The following KLHL7 variants were observed in gnomAD, a reference collection of about 807,000 sequenced individuals.
KLHL7 encodes kelch-like protein 7.
KLHL7 carries 44 observed loss-of-function variants against 67.4 expected under a neutral mutation model. The observed-to-expected ratio is 0.65, with a 90% CI of 0.51 to 0.84. The LOEUF is 0.84. Ranked by LOEUF, KLHL7 falls within the 40% of genes least tolerant of loss-of-function variation. The pLI is 0.00. For synonymous variants in KLHL7, 252 were observed against 243.3 expected (o/e 1.04, Z -0.33); for missense variants, 362 against 718.1 (o/e 0.50, Z 5.67).
At position 23,144,910 on chromosome 7, in the gene KLHL7, C is replaced by A. The variant is rs150539755; in HGVS notation, c.793+885C>A. 7.1e-5 allele frequency among the ~76,000 whole-genome samples: 10 copies of A among 141,700 alleles called. No homozygotes were observed. The East Asian group carries it at 2.0e-3, about 28-fold the overall frequency. The allele number at this position is 141,700 out of a possible 152,430, so 93.0% of individuals were successfully genotyped here. A position where few individuals can be genotyped will look rare whatever the true frequency, so the allele number is the denominator to read the frequency against. On this transcript the variant is annotated intron_variant, in intron 6 of 10. Coordinates refer to ENST00000339077, the MANE Select transcript of KLHL7 (RefSeq NM_001031710.3). ...GTCAGGAGTTTGAGATTCACCTGGGCAACATAGCGAGATTCCAACTCTCCA... is the reference window on the plus strand; with the variant it reads ...GTCAGGAGTTTGAGATTCACCTGGGAAACATAGCGAGATTCCAACTCTCCA...
intron 7 of KLHL7, among the ~76,000 whole-genome samples, chr7:23,162,756 T>A (rs1163981164): frequency 6.6e-6 from 1 of 152,372 alleles, no homozygotes; most frequent in Middle Eastern, 3.4e-3. Flanking sequence ...TGACCTTTTT[T>A]AAAGCGCTTA....
At chr7:23,170,553 ATAGC>A (rs1785127587) in intron 9 of KLHL7, among the ~76,000 whole-genome samples, 1 of 152,228 alleles carries the variant, frequency 6.6e-6, no homozygotes, top group African/African-American at 2.4e-5. Context: ...ATATTTCAAA[ATAGC>A]TAGAGAAGAA....
chr7:23,137,639 C>A (rs893777377), intron 4 of KLHL7, among the ~76,000 whole-genome samples: 1 of 151,186 alleles, frequency 6.6e-6, no homozygotes, highest in Non-Finnish European at 1.5e-5. Context: ...CCAGCATGCC[C>A]GGCTAATTTT....
intron 7 of KLHL7, among the ~76,000 whole-genome samples, chr7:23,163,742 T>G (rs1163820729): frequency 6.6e-6 from 1 of 152,240 alleles, no homozygotes; most frequent in Non-Finnish European, 1.5e-5. Context: ...CATGTGTACG[T>G]GTGTATAATG....
At chr7:23,151,123 T>G (rs1031277036) in intron 6 of KLHL7, among the ~76,000 whole-genome samples, 7 of 151,412 alleles carry the variant, frequency 4.6e-5, no homozygotes, top group Non-Finnish European at 1.0e-4. Context: ...ATGTTTTTGG[T>G]CATTCTTAGG....
chr7:23,106,295 C>A (rs1782635265), intron 1 of KLHL7, 149 bp downstream of exon 1: 3 of 1,515,334 alleles, frequency 2.0e-6, no homozygotes, highest in Non-Finnish European at 2.7e-6. Context: ...CGAGCGATTC[C>A]GCAGTTGGTA....
rs996914369 is a variant in KLHL7 at position 23,168,310 on chromosome 7, G to A, written c.1379+273G>A. 4.6e-5 allele frequency among the ~76,000 whole-genome samples: 7 copies of A among 152,124 alleles called. No homozygotes were observed. The South Asian group carries it at 6.2e-4, about 14-fold the overall frequency. ...TGAATGAGACACATCTGATTGATTCGTCAACTCATAAAATGTTTTTGTTTG... is the reference window on the plus strand; with the variant it reads ...TGAATGAGACACATCTGATTGATTCATCAACTCATAAAATGTTTTTGTTTG... On this transcript the variant is annotated intron_variant, in intron 9 of 10. Transcript: ENST00000339077.
chr7:23,173,081 T>G, intron 10 of KLHL7, 36 bp downstream of exon 10: 1 of 1,419,740 alleles, frequency 7.0e-7, no homozygotes. Context: ...ACTTTCCTGA[T>G]GAGTTTGCTG....
intron 9 of KLHL7, among the ~76,000 whole-genome samples, chr7:23,171,933 T>C (rs1415581918): frequency 6.6e-6 from 1 of 152,222 alleles, no homozygotes; most frequent in African/African-American, 2.4e-5. Flanking sequence ...ATGGTCTCGA[T>C]CGCCTGACCT....
At chr7:23,118,363 A>T (rs991249985) in intron 1 of KLHL7, among the ~76,000 whole-genome samples, 1 of 152,208 alleles carries the variant, frequency 6.6e-6, no homozygotes, top group Non-Finnish European at 1.5e-5. Context: ...CTGAGCATTA[A>T]ATTGGGCTTT....
intron 4 of KLHL7, among the ~76,000 whole-genome samples, chr7:23,139,258 C>T (rs1784096711): frequency 6.6e-6 from 1 of 152,076 alleles, no homozygotes; most frequent in African/African-American, 2.4e-5. Flanking sequence ...AATAATAATG[C>T]TTTGTGACCA....
chr7:23,155,891 G>A (rs149615144), intron 7 of KLHL7: 260 of 304,270 alleles, frequency 8.5e-4, no homozygotes, highest in African/African-American at 4.9e-3. Flanking sequence ...AGGAGGCAGG[G>A]AGCATTGTTC....
chr7:23,166,488 T>C (rs1015794813), intron 8 of KLHL7, among the ~76,000 whole-genome samples: 1 of 152,164 alleles, frequency 6.6e-6, no homozygotes, highest in Non-Finnish European at 1.5e-5. Flanking sequence ...TTTTTCTAAA[T>C]GAATAATTTT....
At chr7:23,168,653 T>C (rs1785069772) in intron 9 of KLHL7, among the ~76,000 whole-genome samples, 1 of 152,202 alleles carries the variant, frequency 6.6e-6, no homozygotes, top group African/African-American at 2.4e-5. Flanking sequence ...AATCATTGAA[T>C]AATGGAGAGG....
rs191703668 is a variant in KLHL7, at chr7:23,145,653, C to T, written c.793+1628C>T. Among the ~76,000 whole-genome samples, 521 of 152,278 alleles carry T rather than the reference C, an allele frequency of 3.4e-3. 3 individuals are homozygous for T. The highest frequency in any genetic ancestry group is 0.012 in the African/African-American group (488 of 41,552). On this transcript the variant is annotated intron_variant, in intron 6 of 10. Transcript: ENST00000339077. ...TATTTGTAGATATTGTCTCAGGGAA[C>T]TATAAGCTGGGTGTAGGCATTTGGG...
rs1260566883 is a variant in KLHL7, at chr7:23,125,960, A to G, written c.442+788A>G. ...TCCTATATATACTGTGTTTTTTATGATACATACATGCCTATGATGAAGTTT... is the reference window on the plus strand; with the variant it reads ...TCCTATATATACTGTGTTTTTTATGGTACATACATGCCTATGATGAAGTTT... On this transcript the variant is annotated intron_variant, in intron 4 of 10. Transcript: ENST00000339077. 4 of 918,006 alleles carry G rather than the reference A, an allele frequency of 4.4e-6. No individual in the cohort carries two copies. In the African/African-American group the frequency reaches 6.5e-5, roughly 15 times the overall value. The allele number at this position is 918,006 out of a possible 1,614,324, so 56.9% of individuals were successfully genotyped here.
chr7:23,114,898 A>G (rs1783023227), intron 1 of KLHL7, among the ~76,000 whole-genome samples: 1 of 152,238 alleles, frequency 6.6e-6, no homozygotes, highest in Non-Finnish European at 1.5e-5. Context: ...TATTAGCAAC[A>G]CAGAATCTCC....
At chr7:23,143,293 T>C (rs1784250257) in intron 5 of KLHL7, among the ~76,000 whole-genome samples, 1 of 152,224 alleles carries the variant, frequency 6.6e-6, no homozygotes, top group Non-Finnish European at 1.5e-5. Flanking sequence ...GAAGCAACAG[T>C]ATTATTTTGG....
chr7:23,159,772 TG>T (rs1784808648), intron 7 of KLHL7, among the ~76,000 whole-genome samples: 1 of 152,162 alleles, frequency 6.6e-6, no homozygotes, highest in Non-Finnish European at 1.5e-5. Context: ...TCAAGCAATC[TG>T]CCTGCCTCAA....
Sources: gnomAD v4.1 joint callset for allele counts (sites outside exome capture counted in the v4.1 genomes callset) on GRCh38, gnomAD v4.1.1 for gene constraint, MANE v1.5 for transcripts, NCBI Gene and HGNC (gene_info 2026-07-23, HGNC 2026-07-21) for gene names.